RYK: variants seen among roughly 807,000 people sequenced by gnomAD.
RYK encodes the protein inactive tyrosine-protein kinase RYK.
Under a neutral mutation model 70.2 loss-of-function variants are expected in RYK, and 21 were observed. The observed-to-expected ratio is 0.30, with a 90% CI of 0.21 to 0.43. The LOEUF (loss-of-function observed/expected upper bound fraction) is 0.43. Ranked by LOEUF, RYK falls within the 20% of genes least tolerant of loss-of-function variation. RYK has a pLI of 1.00. For missense variants in RYK, 604 were observed against 753.3 expected (o/e 0.80, Z 2.32); for synonymous variants, 267 against 278.0 (o/e 0.96, Z 0.39).
intron 9 of RYK, among the ~76,000 whole-genome samples, chr3:134,188,349 C>T (rs2013538360): frequency 1.3e-5 from 2 of 151,736 alleles, no homozygotes; most frequent in Non-Finnish European, 1.5e-5. Context: ...TTAGCAGAGA[C>T]AGGGGTTTCA....
intron 1 of RYK, among the ~76,000 whole-genome samples, chr3:134,234,008 T>C (rs754180572): frequency 2.0e-5 from 3 of 152,118 alleles, no homozygotes; most frequent in Non-Finnish European, 2.9e-5. Context: ...AAAGGGAAAA[T>C]AGCAAAATAT....
intron 13 of RYK, among the ~76,000 whole-genome samples, chr3:134,174,009 G>T (rs534867271): frequency 6.6e-6 from 1 of 152,268 alleles, no homozygotes; most frequent in East Asian, 1.9e-4. Flanking sequence ...ATCTTGAGAG[G>T]AAAAGTTTAT....
At chr3:134,158,307 AG>A in intron 14 of RYK, 43 bp from the exon 15 acceptor site, 1 of 1,303,768 alleles carries the variant, frequency 7.7e-7, no homozygotes, top group Non-Finnish European at 1.1e-6. Flanking sequence ...GTAAGGATAC[AG>A]TATTCATAAC....
chr3:134,224,626 G>A (rs1391248931), intron 1 of RYK, among the ~76,000 whole-genome samples: 2 of 152,194 alleles, frequency 1.3e-5, no homozygotes, highest in Non-Finnish European at 2.9e-5. Context: ...CCCTTTCCTG[G>A]TCTGCTAAGT....
At position 134,222,504 on chromosome 3, in the gene RYK, G is replaced by A. The variant is rs1240991415; in HGVS notation, c.268C>T (p.Leu90Phe). ...DAELYYVRNDLISHYALSFSL... is the reference protein window; with the variant it reads ...DAELYYVRNDFISHYALSFSL... Reference sequence around the variant, plus strand: ...AAGGATAGAGCGTAGTGACTAATAAGGTCATTTCTCACATAATAAAGTTCT... The same window carrying A: ...AAGGATAGAGCGTAGTGACTAATAAAGTCATTTCTCACATAATAAAGTTCT... Residue 90 changes from leucine to phenylalanine, a missense_variant, in exon 2 of 15, where the codon CTT (leucine) becomes TTT (phenylalanine). Coordinates refer to ENST00000623711, the MANE Select transcript of RYK (RefSeq NM_002958.4). The A allele has an allele frequency of 1.9e-6, 3 of 1,612,110 alleles. No homozygotes were observed. Among genetic ancestry groups the A allele is most frequent in the Non-Finnish European group, 8.5e-7 (1 of 1,178,840 alleles).
chr3:134,175,816 G>A (rs754678776), intron 12 of RYK, 48 bp from the exon 13 acceptor site: 2 of 1,602,458 alleles, frequency 1.2e-6, no homozygotes, highest in Admixed American at 3.3e-5. Flanking sequence ...GTATTAAAAA[G>A]TAGGGATCAT....
intron 7 of RYK, among the ~76,000 whole-genome samples, chr3:134,193,490 CTTTT>C (rs35836278): frequency 1.6e-4 from 24 of 152,140 alleles, no homozygotes; most frequent in Non-Finnish European, 7.4e-5. Context: ...GCCCCTTTGA[CTTTT>C]TTAAGAAAGT....
At chr3:134,226,820 A>G (rs1197922943) in intron 1 of RYK, among the ~76,000 whole-genome samples, 3 of 152,194 alleles carry the variant, frequency 2.0e-5, no homozygotes, top group African/African-American at 4.8e-5. Context: ...TTAGTTTGGT[A>G]AAGAACATTA....
At chr3:134,164,926 A>T (rs991812185) in intron 13 of RYK, among the ~76,000 whole-genome samples, 5 of 152,204 alleles carry the variant, frequency 3.3e-5, no homozygotes, top group Non-Finnish European at 7.3e-5. Flanking sequence ...ATTTTAGCCA[A>T]ACCAACAGTA....
rs1042364035 is a variant in RYK at position 134,188,082 on chromosome 3, A to G, written c.1102+755T>C. 4.0e-5 allele frequency among the ~76,000 whole-genome samples: 6 copies of G among 151,892 alleles called. No individual in the cohort carries two copies. In the East Asian group the frequency reaches 1.2e-3, roughly 29 times the overall value. On this transcript the variant is annotated intron_variant, in intron 9 of 14. Transcript: ENST00000623711. The stretch of plus-strand genomic sequence containing the variant: ...TTTCAAACGCTGGCCCAAAAGAAGA[A>G]TATGTGAAAACAGTTATTCTGTTCA...
chr3:134,214,381 G>A (rs920534687), intron 2 of RYK, among the ~76,000 whole-genome samples: 3 of 152,144 alleles, frequency 2.0e-5, no homozygotes, highest in Non-Finnish European at 4.4e-5. Flanking sequence ...GCACATTTAT[G>A]AGCCAGGTGC....
At chr3:134,225,636 T>C (rs541859052) in intron 1 of RYK, among the ~76,000 whole-genome samples, 5 of 152,248 alleles carry the variant, frequency 3.3e-5, no homozygotes, top group South Asian at 4.2e-4. Context: ...AGAGGATCCA[T>C]TGAGGCTAGG....
chr3:134,238,056 G>A (rs971283715), intron 1 of RYK, among the ~76,000 whole-genome samples: 1 of 152,130 alleles, frequency 6.6e-6, no homozygotes, highest in Non-Finnish European at 1.5e-5. Flanking sequence ...AGCTGAAATC[G>A]ATAAAATAAC....
intron 1 of RYK, among the ~76,000 whole-genome samples, chr3:134,228,730 A>G (rs1368568635): frequency 1.3e-5 from 2 of 152,202 alleles, no homozygotes; most frequent in African/African-American, 4.8e-5. Flanking sequence ...AGGATGGGGA[A>G]AGGTTAGTCA....
At chr3:134,230,463 T>C (rs1455199486) in intron 1 of RYK, among the ~76,000 whole-genome samples, 1 of 152,184 alleles carries the variant, frequency 6.6e-6, no homozygotes, top group Non-Finnish European at 1.5e-5. Flanking sequence ...TAACCAACTG[T>C]GGCATATATA....
chr3:134,242,811 G>A (rs1221936555), intron 1 of RYK, among the ~76,000 whole-genome samples: 2 of 152,204 alleles, frequency 1.3e-5, no homozygotes, highest in Non-Finnish European at 2.9e-5. Flanking sequence ...ACAGGGGACA[G>A]GTTTAGCCAT....
At chr3:134,238,590 G>C (rs2015246611) in intron 1 of RYK, among the ~76,000 whole-genome samples, 1 of 152,116 alleles carries the variant, frequency 6.6e-6, no homozygotes, top group African/African-American at 2.4e-5. Context: ...TTCCTCCCAA[G>C]GAAAAGCCAG....
At chr3:134,168,287 G>C (rs7620941) in intron 13 of RYK, among the ~76,000 whole-genome samples, 57 of 152,062 alleles carry the variant, frequency 3.7e-4, no homozygotes, top group African/African-American at 1.4e-3. Context: ...ACCCAAAGGA[G>C]TATAAATCAT....
intron 13 of RYK, among the ~76,000 whole-genome samples, chr3:134,160,831 G>C (rs1404077412): frequency 1.3e-5 from 2 of 152,080 alleles, no homozygotes; most frequent in African/African-American, 4.8e-5. Context: ...CTCCAGCCTG[G>C]GCAACAAAGC....
Sources: allele counts gnomAD v4.1 joint callset (sites outside exome capture counted in the v4.1 genomes callset), GRCh38; gene constraint gnomAD v4.1.1; transcripts MANE v1.5; gene names NCBI Gene and HGNC (gene_info 2026-07-23, HGNC 2026-07-21).